The following LRRTM4 variants were observed in gnomAD, a reference collection of about 807,000 sequenced individuals.
LRRTM4 encodes the protein leucine rich repeat transmembrane neuronal 4.
In LRRTM4, 25 loss-of-function variants were observed where a neutral mutation model predicts 47.6. That is an observed-to-expected ratio of 0.53 (90% confidence interval 0.38 to 0.73). The LOEUF (loss-of-function observed/expected upper bound fraction) is 0.73, where lower values mean the gene tolerates loss of function less well. Among genes scored for constraint, LRRTM4 ranks in the 30% least tolerant of loss-of-function variants. The probability of loss-of-function intolerance (pLI) is 0.00; values close to 1 mark genes in which losing one functional copy is unlikely to be tolerated. For missense variants in LRRTM4, 638 were observed against 713.4 expected (o/e 0.89, Z 1.20); for synonymous variants, 311 against 269.5 (o/e 1.15, Z -1.51).
At chr2:77,141,954 C>T (rs1015612881) in intron 3 of LRRTM4, among the ~76,000 whole-genome samples, 1 of 152,138 alleles carries the variant, frequency 6.6e-6, no homozygotes, top group African/African-American at 2.4e-5. Context: ...TGATTCTGTT[C>T]TTTCTGGCCT....
chr2:77,057,210 A>G (rs943736653), intron 3 of LRRTM4, among the ~76,000 whole-genome samples: 1 of 152,218 alleles, frequency 6.6e-6, no homozygotes, highest in African/African-American at 2.4e-5. Context: ...TGCTTTCAAT[A>G]AAGATATAAT....
At chr2:76,758,425 A>T (rs1356838726) in intron 3 of LRRTM4, among the ~76,000 whole-genome samples, 1 of 152,174 alleles carries the variant, frequency 6.6e-6, no homozygotes, top group East Asian at 1.9e-4. Flanking sequence ...GGACATACAC[A>T]TGCTTGATAC....
chr2:77,373,297 T>C (rs1042867707), intron 3 of LRRTM4, among the ~76,000 whole-genome samples: 4 of 151,266 alleles, frequency 2.6e-5, no homozygotes, highest in African/African-American at 7.3e-5. Context: ...AAATAATATA[T>C]TTAGTTGTTA....
chr2:77,423,461 C>G (rs1674982894), intron 3 of LRRTM4, among the ~76,000 whole-genome samples: 1 of 152,040 alleles, frequency 6.6e-6, no homozygotes, highest in South Asian at 2.1e-4. Context: ...TAACAATCAC[C>G]TAAACAGGGA....
intron 3 of LRRTM4, among the ~76,000 whole-genome samples, chr2:77,271,546 C>A (rs1303248421): frequency 6.6e-6 from 1 of 152,144 alleles, no homozygotes; most frequent in Non-Finnish European, 1.5e-5. Context: ...AGGGGGCACC[C>A]CTGCTGTGAG....
chr2:76,763,686 T>C (rs9917208), intron 3 of LRRTM4, among the ~76,000 whole-genome samples: 2 of 152,136 alleles, frequency 1.3e-5, no homozygotes, highest in Non-Finnish European at 2.9e-5. Flanking sequence ...GTTTTGGATC[T>C]GGGTCATGGG....
chr2:77,097,124 AAT>A (rs892226504), intron 3 of LRRTM4, among the ~76,000 whole-genome samples: 61 of 151,930 alleles, frequency 4.0e-4, no homozygotes, highest in African/African-American at 1.4e-3. Flanking sequence ...CAGGGTTAAT[AAT>A]ATAATAGATA....
chr2:76,790,355 T>TA (rs1184999131), intron 3 of LRRTM4, among the ~76,000 whole-genome samples: 1 of 152,124 alleles, frequency 6.6e-6, no homozygotes, highest in Non-Finnish European at 1.5e-5. Context: ...AGAAACATAT[T>TA]AGGAGTTCTA....
At chr2:76,914,477 G>C (rs1341748439) in intron 3 of LRRTM4, among the ~76,000 whole-genome samples, 1 of 151,994 alleles carries the variant, frequency 6.6e-6, no homozygotes, top group African/African-American at 2.4e-5. Flanking sequence ...AAGATGATTT[G>C]AATGAGTGCA....
In LRRTM4 at chr2:77,519,575, G is replaced by A. The variant is rs757583021; in HGVS notation, c.294C>T (p.Ser98=). Residue 98 remains serine, a synonymous_variant, in exon 3 of 4, where the codon AGC becomes AGT. Transcript: ENST00000409884. This position sits in a 1 kb window ranked among gnomAD's most constrained non-coding sequence, Gnocchi z 4.6. The part of the protein sequence containing the change: ...IWLYLDHNYI[S]SVDEDAFQGI... ...CTTGAAATGCATCTTCATCCACTGA[G>A]CTAATGTAATTATGGTCAAGATAAA... 6 of 1,613,296 alleles carry A rather than the reference G, an allele frequency of 3.7e-6. No homozygotes were observed. In the Admixed American group the frequency reaches 8.4e-5, roughly 22 times the overall value.
chr2:77,207,251 A>G (rs1263421956), intron 3 of LRRTM4, among the ~76,000 whole-genome samples: 1 of 146,826 alleles, frequency 6.8e-6, no homozygotes, highest in Non-Finnish European at 1.5e-5. Flanking sequence ...ACGTATTTAT[A>G]CACATATATG....
chr2:76,789,103 G>A (rs540937139), intron 3 of LRRTM4, among the ~76,000 whole-genome samples: 326 of 152,144 alleles, frequency 2.1e-3, no homozygotes, highest in Non-Finnish European at 3.7e-3. Context: ...CTATACTTTA[G>A]AGATGCTAAG....
intron 3 of LRRTM4, among the ~76,000 whole-genome samples, chr2:76,947,185 A>G (rs1675349244): frequency 6.6e-6 from 1 of 151,934 alleles, no homozygotes; most frequent in South Asian, 2.1e-4. Context: ...GCTGATAATA[A>G]TAAGTAGTAG....
chr2:76,976,066 A>G (rs1395322806), intron 3 of LRRTM4, among the ~76,000 whole-genome samples: 2 of 151,706 alleles, frequency 1.3e-5, no homozygotes, highest in Non-Finnish European at 2.9e-5. Context: ...ATATGGTCCT[A>G]TTGAAAACTG....
chr2:77,016,676 C>T (rs1678082553), intron 3 of LRRTM4, among the ~76,000 whole-genome samples: 2 of 152,066 alleles, frequency 1.3e-5, no homozygotes, highest in Admixed American at 1.3e-4. Flanking sequence ...ATAAACTTCC[C>T]CCAGTAGAGG....
In LRRTM4 at chr2:77,519,874, T is replaced by TA. The variant is rs556134657; in HGVS notation, c.5-11dup. Reference sequence around the variant, plus strand: ...GTAATTAAATGGAAACCTACGATATTAAAAAAAAGACAGATGCACATTGTG... The same window carrying TA: ...GTAATTAAATGGAAACCTACGATATTAAAAAAAAAGACAGATGCACATTGTG... On this transcript the variant is annotated splice_polypyrimidine_tract_variant and intron_variant, in intron 2 of 3. Transcript: ENST00000409884. The surrounding 1 kb of genome is among the most constrained non-coding windows in gnomAD (Gnocchi z 4.6). 100 of 1,560,070 alleles carry TA rather than the reference T, an allele frequency of 6.4e-5. 1 individual carries two copies. The highest frequency in any genetic ancestry group is 5.1e-4 in the Middle Eastern group (3 of 5,858).
At chr2:76,834,750 G>A (rs879087560) in intron 3 of LRRTM4, among the ~76,000 whole-genome samples, 1 of 151,994 alleles carries the variant, frequency 6.6e-6, no homozygotes, top group Non-Finnish European at 1.5e-5. Context: ...CATAGAAAAT[G>A]TATAGATCTC....
chr2:76,807,544 T>A (rs1321096187), intron 3 of LRRTM4, among the ~76,000 whole-genome samples: 1 of 146,906 alleles, frequency 6.8e-6, no homozygotes, highest in Non-Finnish European at 1.5e-5. Flanking sequence ...GATTTGTGTT[T>A]GCCATAATCA....
intron 3 of LRRTM4, among the ~76,000 whole-genome samples, chr2:77,122,426 T>A (rs1185618808): frequency 6.6e-6 from 1 of 150,840 alleles, no homozygotes; most frequent in Non-Finnish European, 1.5e-5. Flanking sequence ...CATATATATG[T>A]GTGTGTATAG....
Sources: gnomAD v4.1 joint callset for allele counts (sites outside exome capture counted in the v4.1 genomes callset) on GRCh38, gnomAD v4.1.1 for gene constraint, Gnocchi (gnomAD v3.1) non-coding constraint, MANE v1.5 for transcripts, NCBI Gene and HGNC (gene_info 2026-07-23, HGNC 2026-07-21) for gene names.